The following TAOK1 variants were observed in gnomAD, a reference collection of about 807,000 sequenced individuals.
TAOK1 encodes TAO kinase 1.
A neutral mutation model predicts 138.3 loss-of-function variants in TAOK1; 21 were observed. The ratio of observed to expected loss-of-function variants is 0.15; its 90% CI spans 0.11 to 0.22. TAOK1 has a LOEUF of 0.22. TAOK1 is among the 10% of genes least tolerant of loss of function. TAOK1 has a pLI of 1.00. For missense variants in TAOK1, 651 were observed against 1,227.7 expected (o/e 0.53, Z 7.02); for synonymous variants, 361 against 398.4 (o/e 0.91, Z 1.12).
intron 1 of TAOK1, among the ~76,000 whole-genome samples, chr17:29,417,160 G>A (rs565877139): frequency 1.3e-5 from 2 of 152,032 alleles, no homozygotes; most frequent in African/African-American, 4.8e-5. Context: ...GATTACAGGC[G>A]TCTGCTACCA....
chr17:29,471,944 C>G (rs2030827706), intron 3 of TAOK1, among the ~76,000 whole-genome samples: 1 of 152,206 alleles, frequency 6.6e-6, no homozygotes, highest in South Asian at 2.1e-4. Flanking sequence ...AGTTTCTCAT[C>G]CACTCAAGTT....
At chr17:29,469,207 A>C (rs545059081) in intron 3 of TAOK1, among the ~76,000 whole-genome samples, 3 of 151,398 alleles carry the variant, frequency 2.0e-5, no homozygotes, top group South Asian at 4.2e-4. Context: ...ACATAGTGAG[A>C]TCCCCCCTCC....
chr17:29,392,121 G>C lies in TAOK1; in HGVS notation c.-95+1097G>C, dbSNP rs532966183. ...GTCCCAGCTACTCGGGAGGCTGAGG[G>C]AGGAGAATCGCTTGAACCCGGGAGG... is the stretch of plus-strand genomic sequence containing the variant. On this transcript the variant is annotated intron_variant, in intron 1 of 19. Coordinates refer to ENST00000261716, the MANE Select transcript of TAOK1 (RefSeq NM_020791.4). Among the ~76,000 whole-genome samples, 209 of 152,186 alleles carry C rather than the reference G, an allele frequency of 1.4e-3. 1 individual carries two copies. The highest frequency in any genetic ancestry group is 2.3e-3 in the Non-Finnish European group (156 of 68,002).
intron 1 of TAOK1, among the ~76,000 whole-genome samples, chr17:29,433,705 G>A (rs1905928565): frequency 6.8e-6 from 1 of 148,088 alleles, no homozygotes; most frequent in Non-Finnish European, 1.5e-5. Context: ...ACAGGAAGTG[G>A]AGGGGCCAGA....
At chr17:29,520,306 C>T (rs2150766402) in intron 16 of TAOK1, among the ~76,000 whole-genome samples, 1 of 152,130 alleles carries the variant, frequency 6.6e-6, no homozygotes. Flanking sequence ...TTTCTATGTA[C>T]TGGCTGGGTG....
At chr17:29,442,448 G>A (rs1359671850) in intron 1 of TAOK1, among the ~76,000 whole-genome samples, 1 of 138,712 alleles carries the variant, frequency 7.2e-6, no homozygotes, top group Non-Finnish European at 1.6e-5. Flanking sequence ...GCATATTTTT[G>A]TAAGTTTAGT....
intron 7 of TAOK1, among the ~76,000 whole-genome samples, chr17:29,481,156 T>C (rs2031053710): frequency 6.6e-6 from 1 of 152,040 alleles, no homozygotes; most frequent in East Asian, 1.9e-4. Context: ...ACAATACTTG[T>C]TGCCAATAGT....
intron 17 of TAOK1, among the ~76,000 whole-genome samples, chr17:29,526,825 A>T (rs2032019035): frequency 1.4e-5 from 2 of 146,568 alleles, no homozygotes; most frequent in Admixed American, 6.9e-5. Flanking sequence ...CTCTTAAAAA[A>T]AAAAAAAAAA....
chr17:29,455,396 G>C (rs749183511), intron 2 of TAOK1, among the ~76,000 whole-genome samples: 5 of 150,370 alleles, frequency 3.3e-5, no homozygotes, highest in African/African-American at 1.0e-4. Flanking sequence ...AAATTTCTAC[G>C]TACAGTATTA....
At chr17:29,402,939 C>G (rs1379827466) in intron 1 of TAOK1, among the ~76,000 whole-genome samples, 1 of 151,280 alleles carries the variant, frequency 6.6e-6, no homozygotes, top group East Asian at 1.9e-4. Flanking sequence ...CTTTGGGAGG[C>G]CGAAGTGGGC....
At chr17:29,476,031 T>G (rs1443377215) in intron 4 of TAOK1, among the ~76,000 whole-genome samples, 1 of 152,256 alleles carries the variant, frequency 6.6e-6, no homozygotes, top group Non-Finnish European at 1.5e-5. Flanking sequence ...ACAGTTTTAG[T>G]AGTACCATTC....
At chr17:29,513,052 T>A (rs759984394) in intron 15 of TAOK1, 1 of 76,386 alleles carries the variant, frequency 1.3e-5, no homozygotes. Flanking sequence ...TCTTTTAATT[T>A]ACCCACCCCC....
At chr17:29,473,944 C>G (rs751748458) in intron 3 of TAOK1, among the ~76,000 whole-genome samples, 2 of 152,130 alleles carry the variant, frequency 1.3e-5, no homozygotes, top group African/African-American at 2.4e-5. Flanking sequence ...GTTGGCCAGG[C>G]TGGTCTTGAA....
intron 2 of TAOK1, among the ~76,000 whole-genome samples, chr17:29,461,120 T>C (rs935801701): frequency 6.6e-6 from 1 of 152,114 alleles, no homozygotes; most frequent in African/African-American, 2.4e-5. Flanking sequence ...AAGTCAGATA[T>C]CTGGAGCTGG....
At chr17:29,437,834 A>G (rs1393963118) in intron 1 of TAOK1, among the ~76,000 whole-genome samples, 1 of 150,142 alleles carries the variant, frequency 6.7e-6, no homozygotes, top group Admixed American at 6.6e-5. Flanking sequence ...CCCAGGTTCA[A>G]CGATTCTCTT....
intron 1 of TAOK1, among the ~76,000 whole-genome samples, chr17:29,427,665 G>A (rs536313962): frequency 1.3e-5 from 2 of 151,888 alleles, no homozygotes; most frequent in East Asian, 1.9e-4. Context: ...AGTGGCTCAC[G>A]CCTGTAATCC....
intron 1 of TAOK1, among the ~76,000 whole-genome samples, chr17:29,448,361 G>A (rs1386827220): frequency 6.6e-6 from 1 of 152,108 alleles, no homozygotes; most frequent in Non-Finnish European, 1.5e-5. Context: ...TAGCAGTAAT[G>A]TTTATGGTAA....
chr17:29,543,198 T>C lies in TAOK1; in HGVS notation c.*176T>C. On this transcript the variant is annotated 3_prime_UTR_variant, in exon 20 of 20. Transcript: ENST00000261716. ...TTTGTGTTTACTAATTGGGATGTCA[T>C]AGTACTTGGCTGCCGGGTTTGTTTG... The C allele has an allele frequency of 1.7e-6, 1 of 590,928 alleles. No homozygotes were observed. The highest frequency in any genetic ancestry group is 2.8e-6 in the Non-Finnish European group (1 of 359,514). The allele number at this position is 590,928 out of a possible 1,614,324, so 36.6% of individuals were successfully genotyped here.
At chr17:29,457,089 C>CTTTTTTTTTTTTTTTTTTTTT (rs548221652) in intron 2 of TAOK1, among the ~76,000 whole-genome samples, 1 of 107,408 alleles carries the variant, frequency 9.3e-6, no homozygotes, top group Non-Finnish European at 1.9e-5. Flanking sequence ...TTTTCTTTTT[C>CTTTTTTTTTTTTTTTTTTTTT]TTTTTTTTTT....
Sources: gnomAD v4.1 joint callset for allele counts (sites outside exome capture counted in the v4.1 genomes callset) on GRCh38, gnomAD v4.1.1 for gene constraint, MANE v1.5 for transcripts, NCBI Gene and HGNC (gene_info 2026-07-23, HGNC 2026-07-21) for gene names.